The following TBC1D5 variants were observed in gnomAD, a reference collection of about 807,000 sequenced individuals.
The protein encoded by TBC1D5 is TBC1 domain family, member 5.
In TBC1D5, 75 loss-of-function variants were observed where a neutral mutation model predicts 100.3. That is an observed-to-expected ratio of 0.75 (90% confidence interval 0.62 to 0.91). The LOEUF is 0.91. TBC1D5 is among the 40% of genes least tolerant of loss of function. The pLI is 0.00. For missense variants in TBC1D5, 910 were observed against 942.4 expected, an observed-to-expected ratio of 0.97 and a Z score of 0.45; for synonymous variants, 323 against 325.6, an observed-to-expected ratio of 0.99 and a Z score of 0.09.
chr3:17,345,396 C>A (rs1488967123), intron 13 of TBC1D5, among the ~76,000 whole-genome samples: 46 of 152,044 alleles, frequency 3.0e-4, no homozygotes, highest in African/African-American at 9.9e-4. Flanking sequence ...GTTAGAATGG[C>A]AATCATTAAA....
At chr3:17,553,435 G>A (rs959832984) in intron 2 of TBC1D5, among the ~76,000 whole-genome samples, 3 of 152,056 alleles carry the variant, frequency 2.0e-5, no homozygotes, top group Non-Finnish European at 4.4e-5. Context: ...CCAAGGGAGG[G>A]GGATTTGTAC....
chr3:17,694,673 T>C (rs556404203), intron 1 of TBC1D5, among the ~76,000 whole-genome samples: 26 of 152,194 alleles, frequency 1.7e-4, no homozygotes, highest in Non-Finnish European at 3.4e-4. Context: ...AAAACAGTCT[T>C]CAGGATATTA....
At chr3:17,308,174 T>A (rs369516147) in intron 13 of TBC1D5, 40 bp from the exon 14 acceptor site, 47 of 1,543,376 alleles carry the variant, frequency 3.0e-5, no homozygotes, top group Non-Finnish European at 1.7e-6. Context: ...GACAGTACTT[T>A]TGAGAATAAA....
chr3:17,348,329 A>G (rs1214770009), intron 13 of TBC1D5, among the ~76,000 whole-genome samples: 1 of 152,180 alleles, frequency 6.6e-6, no homozygotes, highest in Non-Finnish European at 1.5e-5. Context: ...TATATTAAGC[A>G]AGCGATTCTC....
At chr3:17,202,971 G>T (rs2071660574) in intron 18 of TBC1D5, among the ~76,000 whole-genome samples, 1 of 152,242 alleles carries the variant, frequency 6.6e-6, no homozygotes, top group Non-Finnish European at 1.5e-5. Context: ...GCACTGCCTA[G>T]TGGAGTTGTG....
intron 21 of TBC1D5, among the ~76,000 whole-genome samples, chr3:17,163,357 C>A (rs1006868483): frequency 6.6e-6 from 1 of 151,806 alleles, no homozygotes; most frequent in East Asian, 1.9e-4. Context: ...ACAAAAGACC[C>A]CACTCTTCTG....
At position 17,215,975 on chromosome 3, in the gene TBC1D5, TTAAG is replaced by T. The variant is rs569858675; in HGVS notation, c.1589-1609_1589-1606del. On this transcript the variant is annotated intron_variant, in intron 17 of 21. Transcript: ENST00000253692. ...CTGCATTAAATATCAGGGATTCAGA[TTAAG>T]TTTCTGTCCTCCCAGAGTGCAGAAC... 1.6e-3 allele frequency among the ~76,000 whole-genome samples: 237 copies of T among 152,244 alleles called. 3 individuals carry two copies. The highest frequency in any genetic ancestry group is 4.6e-3 in the Admixed American group (71 of 15,284).
At chr3:17,513,848 T>C (rs953926847) in intron 2 of TBC1D5, among the ~76,000 whole-genome samples, 1 of 152,058 alleles carries the variant, frequency 6.6e-6, no homozygotes, top group African/African-American at 2.4e-5. Context: ...AAATATGACA[T>C]ATGGGGTATA....
At chr3:17,598,668 C>A (rs2060732762) in intron 2 of TBC1D5, among the ~76,000 whole-genome samples, 1 of 152,244 alleles carries the variant, frequency 6.6e-6, no homozygotes, top group African/African-American at 2.4e-5. Context: ...AAAGTAGTCA[C>A]TGTCCCAAAT....
intron 21 of TBC1D5, among the ~76,000 whole-genome samples, chr3:17,163,757 C>T (rs1033325922): frequency 2.6e-5 from 4 of 152,162 alleles, no homozygotes; most frequent in African/African-American, 9.7e-5. Context: ...ATACAGCAGC[C>T]CCTAGCCACA....
At chr3:17,162,003 A>G (rs2066106748) in intron 21 of TBC1D5, among the ~76,000 whole-genome samples, 1 of 151,414 alleles carries the variant, frequency 6.6e-6, no homozygotes, top group Non-Finnish European at 1.5e-5. Flanking sequence ...CTAAGCAATT[A>G]TGAGTGGCTT....
intron 2 of TBC1D5, among the ~76,000 whole-genome samples, chr3:17,603,326 A>G (rs2061115511): frequency 6.6e-6 from 1 of 152,104 alleles, no homozygotes; most frequent in Admixed American, 6.5e-5. Context: ...CAAAGACCCC[A>G]CTGGTAAAAT....
intron 3 of TBC1D5, among the ~76,000 whole-genome samples, chr3:17,478,127 T>C (rs1460697075): frequency 1.3e-5 from 2 of 152,204 alleles, no homozygotes; most frequent in Non-Finnish European, 2.9e-5. Context: ...GTTTGTTTTT[T>C]TGCTTGTTTC....
intron 1 of TBC1D5, among the ~76,000 whole-genome samples, chr3:17,682,091 T>C (rs943271919): frequency 2.0e-5 from 3 of 151,214 alleles, no homozygotes; most frequent in Non-Finnish European, 4.4e-5. Flanking sequence ...AACCAATCCC[T>C]GGTGCCAAAA....
intron 2 of TBC1D5, among the ~76,000 whole-genome samples, chr3:17,561,641 G>T (rs2096560057): frequency 6.6e-6 from 1 of 152,014 alleles, no homozygotes; most frequent in South Asian, 2.1e-4. Flanking sequence ...CACTGGAGTG[G>T]GAGGGTGAGG....
At position 17,736,424 on chromosome 3, in the gene TBC1D5, C is replaced by T. The variant is rs146884768; in HGVS notation, c.-101+2919G>A. Among the ~76,000 whole-genome samples the T allele has an allele frequency of 3.6e-3, 546 of 152,204 alleles. 4 individuals carry two copies. The highest frequency in any genetic ancestry group is 0.013 in the African/African-American group (530 of 41,552). ...TTGACCCAAGTCTTCCTAAGTCACC[C>T]CATCTATTTATAAAAATGAGCACTC... On this transcript the variant is annotated intron_variant, in intron 1 of 21. Coordinates refer to ENST00000253692, the Ensembl canonical transcript of TBC1D5.
chr3:17,454,964 T>C (rs1179435753), intron 3 of TBC1D5, among the ~76,000 whole-genome samples: 1 of 151,934 alleles, frequency 6.6e-6, no homozygotes, highest in East Asian at 1.9e-4. Context: ...AAAGGAAAGA[T>C]ATTCCATGTT....
intron 13 of TBC1D5, among the ~76,000 whole-genome samples, chr3:17,360,763 A>T (rs1168089897): frequency 6.6e-6 from 1 of 152,004 alleles, no homozygotes; most frequent in African/African-American, 2.4e-5. Context: ...CTTCTATGTT[A>T]TATATTTTGG....
intron 17 of TBC1D5, among the ~76,000 whole-genome samples, chr3:17,220,056 A>G (rs1296372274): frequency 6.6e-6 from 1 of 152,136 alleles, no homozygotes; most frequent in East Asian, 1.9e-4. Context: ...AACACTCTTG[A>G]GTAGTCATTT....
Sources: allele counts gnomAD v4.1 joint callset (sites outside exome capture counted in the v4.1 genomes callset), GRCh38; gene constraint gnomAD v4.1.1; transcripts MANE v1.5; gene names NCBI Gene and HGNC (gene_info 2026-07-23, HGNC 2026-07-21).